Variants in GARNL3 observed in about 807,000 individuals in gnomAD.
GARNL3 encodes the protein GTPase-activating Rap/Ran-GAP domain-like protein 3.
Under a neutral mutation model 125.0 loss-of-function variants are expected in GARNL3, and 63 were observed. That is an observed-to-expected ratio of 0.50 (90% CI 0.41 to 0.62). The LOEUF is 0.62. Among genes scored for constraint, GARNL3 ranks in the 20% least tolerant of loss-of-function variants. The pLI is 0.00. For synonymous variants in GARNL3, 439 were observed against 457.5 expected, an observed-to-expected ratio of 0.96 and a Z score of 0.52; for missense variants, 994 against 1,244.0, an observed-to-expected ratio of 0.80 and a Z score of 3.02.
chr9:127,225,484 A>T, intron 1 of GARNL3: 1 of 565,468 alleles, frequency 1.8e-6, no homozygotes, highest in Non-Finnish European at 2.2e-6. Context: ...CAGCGGGGCG[A>T]GGCCGTGGCG....
At chr9:127,295,897 T>G (rs2064576476) in intron 2 of GARNL3, among the ~76,000 whole-genome samples, 1 of 152,132 alleles carries the variant, frequency 6.6e-6, no homozygotes, top group African/African-American at 2.4e-5. Context: ...TCTATTATTA[T>G]TACATTGTAA....
intron 21 of GARNL3, chr9:127,361,830 G>C (rs1414421070): frequency 6.6e-6 from 1 of 152,158 alleles, no homozygotes; most frequent in Non-Finnish European, 1.5e-5. Context: ...GGTCTAAAAG[G>C]CTGCCTGAAC....
At chr9:127,341,523 CAGAG>C (rs1249773814) in intron 13 of GARNL3, among the ~76,000 whole-genome samples, 1 of 152,168 alleles carries the variant, frequency 6.6e-6, no homozygotes, top group East Asian at 1.9e-4. Context: ...GAGGATCAGA[CAGAG>C]AGCAAGAAAC....
chr9:127,280,089 C>T lies in GARNL3; in HGVS notation c.145-11079C>T, dbSNP rs2064065487. 6.6e-6 allele frequency among the ~76,000 whole-genome samples: 1 copy of T among 152,230 alleles called. No homozygotes were observed. Among genetic ancestry groups the T allele is most frequent in the Middle Eastern group, 3.4e-3 (1 of 294 alleles). ...CCAGTAGCAGTCTGGTTGAAAGAGG[C>T]GTATTGAAGTAATGTTTGCTTAGCT... On this transcript the variant is annotated intron_variant, in intron 1 of 27. Transcript: ENST00000373387. This position sits in a 1 kb window ranked among gnomAD's most constrained non-coding sequence, Gnocchi z 4.5.
intron 10 of GARNL3, among the ~76,000 whole-genome samples, chr9:127,335,815 T>C (rs1829521965): frequency 6.6e-6 from 1 of 152,136 alleles, no homozygotes; most frequent in Admixed American, 6.5e-5. Context: ...GGTTGACAAG[T>C]ATTGTTATCA....
At position 127,320,729 on chromosome 9, in the gene GARNL3, A is replaced by G; in HGVS notation, c.518A>G (p.Asp173Gly). 6.2e-7 allele frequency: 1 copy of G among 1,611,508 alleles called. No homozygotes were observed. The highest frequency in any genetic ancestry group is 1.1e-5 in the South Asian group (1 of 90,966). ...VKSILSAMNL[D>G]KFEKGPREIF... ...TTCTATTTCAGTGCCATGAATCTGG[A>G]CAAATTTGAGAAAGGCCCCAGGGAA... is the stretch of plus-strand genomic sequence containing the variant. Residue 173 changes from aspartate to glycine, a missense_variant, in exon 6 of 28, where the codon GAC (aspartate) becomes GGC (glycine). Physicochemically the swap from Asp to Gly is moderately conservative, Grantham distance 94. Around this residue, in one of 5 missense-constraint regions of GARNL3, gnomAD observed 139 missense variants for 231.6 expected, o/e 0.60. Transcript: ENST00000373387.
intron 22 of GARNL3, among the ~76,000 whole-genome samples, chr9:127,374,374 C>G (rs564333454): frequency 1.5e-4 from 23 of 151,386 alleles, no homozygotes; most frequent in African/African-American, 5.3e-4. Flanking sequence ...CAAAATGGAT[C>G]ATAAAACTAC....
At chr9:127,272,233 C>T (rs1205338616) in intron 1 of GARNL3, among the ~76,000 whole-genome samples, 2 of 149,856 alleles carry the variant, frequency 1.3e-5, no homozygotes, top group Admixed American at 6.6e-5. Flanking sequence ...ACTGCCTGTC[C>T]AGCACCCCTA....
chr9:127,302,141 C>A (rs2812281), intron 2 of GARNL3, among the ~76,000 whole-genome samples: 123,138 of 151,208 alleles, frequency 0.81, 50,760 homozygotes, highest in African/African-American at 0.94. Context: ...ACAGGGTTTC[C>A]CCGTGTCAGC....
intron 7 of GARNL3, among the ~76,000 whole-genome samples, chr9:127,331,091 A>G (rs1829207900): frequency 1.3e-5 from 2 of 151,974 alleles, no homozygotes; most frequent in East Asian, 1.9e-4. Context: ...GGGTCAACCA[A>G]CCTTGTAGAG....
At position 127,393,094 on chromosome 9, in the gene GARNL3, G is replaced by C. The variant is rs1270793048; in HGVS notation, c.2882G>C (p.Gly961Ala). The part of the protein sequence containing the change: ...RSSSSDRIPS[G>A]SLESASTSEA... ...CTTTTCTCTTCTAGGATCCCATCAG[G>C]CTCCTTGGAAAGTGCTTCTACTTCC... The change falls in exon 28 of 28, where the codon GGC becomes GCC. Residue 961 changes from glycine (G) to alanine (A), a missense_variant. Physicochemically the swap from Gly to Ala is moderately conservative, Grantham distance 60. Transcript: ENST00000373387. 4 of 1,602,172 alleles carry C rather than the reference G, an allele frequency of 2.5e-6. No individual in the cohort carries two copies. Among genetic ancestry groups the C allele is most frequent in the Non-Finnish European group, 2.6e-6 (3 of 1,170,086 alleles).
rs775356317 is a variant in GARNL3, at chr9:127,385,663, G to A, written c.2388+518G>A. Among the ~76,000 whole-genome samples the A allele has an allele frequency of 1.6e-4, 24 of 152,176 alleles. No individual in the cohort carries two copies. The highest frequency in any genetic ancestry group is 3.1e-4 in the Non-Finnish European group (21 of 68,036). On this transcript the variant is annotated intron_variant, in intron 24 of 27. Transcript: ENST00000373387. This position sits in a 1 kb window ranked among gnomAD's most constrained non-coding sequence, Gnocchi z 4.1. ...TTTGTCGCTGGCATATAATCTGGGG[G>A]GTCTTGTTCTAGTCCCCTCCCCTGA...
At chr9:127,377,075 T>C (rs1369733841) in intron 22 of GARNL3, among the ~76,000 whole-genome samples, 3 of 152,184 alleles carry the variant, frequency 2.0e-5, no homozygotes, top group Non-Finnish European at 2.9e-5. Flanking sequence ...ATCTGCTAAG[T>C]GATTAGATGA....
intron 2 of GARNL3, among the ~76,000 whole-genome samples, chr9:127,310,490 ATG>A (rs2065063481): frequency 6.6e-6 from 1 of 152,184 alleles, no homozygotes; most frequent in Admixed American, 6.5e-5. Context: ...TTCAATCTAA[ATG>A]TTATACAGGC....
In GARNL3 at chr9:127,359,502, A is replaced by T. The variant is rs1254166364; in HGVS notation, c.2094+2125A>T. ...AGACTCCGTCTCCAAAAAAAAAAAA[A>T]GTTCTCACCCCCTTCTTCCTTCTCA... On this transcript the variant is annotated intron_variant, in intron 21 of 27. Coordinates refer to ENST00000373387, the MANE Select transcript of GARNL3 (RefSeq NM_032293.5). Among the ~76,000 whole-genome samples the T allele has an allele frequency of 2.0e-5, 3 of 149,886 alleles. No individual in the cohort carries two copies. The East Asian group carries it at 5.8e-4, about 29-fold the overall frequency.
At chr9:127,333,697 G>A (rs1035893644) in intron 9 of GARNL3, among the ~76,000 whole-genome samples, 26 of 152,082 alleles carry the variant, frequency 1.7e-4, no homozygotes, top group African/African-American at 5.8e-4. Context: ...AGACCTTGTG[G>A]CAGAAAAGAA....
At chr9:127,389,826 C>T (rs1357171429) in intron 26 of GARNL3, among the ~76,000 whole-genome samples, 1 of 148,550 alleles carries the variant, frequency 6.7e-6, no homozygotes, top group Non-Finnish European at 1.5e-5. Flanking sequence ...GAAGCTGAGG[C>T]AAGAGAATCG....
chr9:127,301,025 C>T (rs965319941), intron 2 of GARNL3: 8 of 172,336 alleles, frequency 4.6e-5, no homozygotes, highest in Admixed American at 1.3e-4. Flanking sequence ...CCAGTTGAAG[C>T]GACACATGGA....
At chr9:127,235,790 A>C (rs957894206) in intron 1 of GARNL3, among the ~76,000 whole-genome samples, 3 of 152,190 alleles carry the variant, frequency 2.0e-5, no homozygotes, top group African/African-American at 4.8e-5. Flanking sequence ...TTTCTTTGGA[A>C]CAGTGAGGGT....
Sources: allele counts gnomAD v4.1 joint callset (sites outside exome capture counted in the v4.1 genomes callset), GRCh38; gene constraint gnomAD v4.1.1; regional missense constraint gnomAD v4.1.1; non-coding constraint Gnocchi (gnomAD v3.1); transcripts MANE v1.5; gene names NCBI Gene and HGNC (gene_info 2026-07-23, HGNC 2026-07-21).